MTTP: variants seen among roughly 807,000 people sequenced by gnomAD.
MTTP encodes microsomal triglyceride transfer protein, also known as microsomal triglyceride transfer protein large subunit.
In MTTP, 49 loss-of-function variants were observed where a neutral mutation model predicts 90.6. The ratio of observed to expected loss-of-function variants is 0.54; its 90% CI spans 0.43 to 0.69. MTTP has a LOEUF of 0.69. Among genes scored for constraint, MTTP ranks in the 30% least tolerant of loss-of-function variants. The probability of loss-of-function intolerance (pLI) is 0.00; values close to 1 mark genes in which losing one functional copy is unlikely to be tolerated. For synonymous variants in MTTP, 347 were observed against 384.2 expected, an observed-to-expected ratio of 0.90 and a Z score of 1.13; for missense variants, 945 against 1,067.5, an observed-to-expected ratio of 0.89 and a Z score of 1.60.
chr4:99,596,787 G>T (rs1725563668), intron 7 of MTTP, among the ~76,000 whole-genome samples: 1 of 152,106 alleles, frequency 6.6e-6, no homozygotes, highest in Non-Finnish European at 1.5e-5. Context: ...GCCGTGAAAT[G>T]ACCTATATAC....
At chr4:99,608,674 T>C (rs1560623622) in intron 11 of MTTP, 92 bp from the exon 12 acceptor site, 1 of 1,031,198 alleles carries the variant, frequency 9.7e-7, no homozygotes, top group South Asian at 1.3e-5. Context: ...CACATGTATA[T>C]TTTTATGAAC....
chr4:99,567,936 C>T (rs2110203680), intron 1 of MTTP, among the ~76,000 whole-genome samples: 1 of 151,992 alleles, frequency 6.6e-6, no homozygotes, highest in Non-Finnish European at 1.5e-5. Flanking sequence ...GGTCGAATTT[C>T]ATTTAAAGTT....
chr4:99,577,810 C>T (rs1470518196), intron 1 of MTTP, among the ~76,000 whole-genome samples: 1 of 151,970 alleles, frequency 6.6e-6, no homozygotes, highest in East Asian at 1.9e-4. Context: ...CTATTTTCAG[C>T]GCCTTCTCTG....
chr4:99,584,039 T>G (rs1214604739), intron 3 of MTTP: 1 of 154,304 alleles, frequency 6.5e-6, no homozygotes, highest in Admixed American at 6.5e-5. Flanking sequence ...ATTTTAAAAC[T>G]ATGACATGGA....
intron 6 of MTTP, among the ~76,000 whole-genome samples, chr4:99,592,397 CTT>C (rs1560617993): frequency 6.6e-6 from 1 of 152,092 alleles, no homozygotes; most frequent in African/African-American, 2.4e-5. Context: ...ACGTTAAAAA[CTT>C]TTTAATTTTT....
At chr4:99,569,091 T>G (rs1356813061) in intron 1 of MTTP, among the ~76,000 whole-genome samples, 3 of 152,160 alleles carry the variant, frequency 2.0e-5, no homozygotes, top group Non-Finnish European at 1.5e-5. Context: ...CTGACAACAC[T>G]GCTGAGCCAG....
chr4:99,565,655 GTAAA>G (rs1724668426), intron 1 of MTTP, among the ~76,000 whole-genome samples: 1 of 152,160 alleles, frequency 6.6e-6, no homozygotes, highest in Admixed American at 6.5e-5. Context: ...GGAGCCAGCA[GTAAA>G]TAAATACCAT....
At chr4:99,576,902 T>C (rs1020203837) in intron 1 of MTTP, among the ~76,000 whole-genome samples, 4 of 152,050 alleles carry the variant, frequency 2.6e-5, no homozygotes, top group Admixed American at 1.3e-4. Context: ...TACAAAAATA[T>C]CTTACTATTG....
rs2110222141 is a variant in MTTP, at chr4:99,597,081, G to A, written c.924G>A (p.Trp308Ter). The A allele has an allele frequency of 6.2e-7, 1 of 1,613,966 alleles. No individual in the cohort carries two copies. Among genetic ancestry groups the A allele is most frequent in the Non-Finnish European group, 8.5e-7 (1 of 1,179,926 alleles). The change falls in exon 8 of 18, where the codon TGG becomes TGA. Residue 308 changes from tryptophan to a stop codon, truncating the protein, a stop_gained. Transcript: ENST00000265517. LOFTEE classifies it high-confidence loss of function. ...ATGTTTTGCAGCTCTCGGAGCTCTG[G>A]CGGTCCACCAGGAAATACCTGCAGC... ...CKGCPSLSEL[W>*]RSTRKYLQPD...
chr4:99,608,825 G>A lies in MTTP; in HGVS notation c.1617G>A (p.Val539=), dbSNP rs773522041. ...HQNRKVHEKT[V]RTAAAAIILN... ...ACCGTAAAGTTCATGAAAAGACTGT[G>A]CGCACTGCTGCAGCTGCTATCATTT... The change falls in exon 12 of 18, where the codon GTG becomes GTA. Residue 539 remains valine (V), a synonymous_variant. Coordinates refer to ENST00000265517, the MANE Select transcript of MTTP (RefSeq NM_001386140.1). 5 of 1,614,038 alleles carry A rather than the reference G, an allele frequency of 3.1e-6. No homozygotes were observed. The highest frequency in any genetic ancestry group is 4.2e-6 in the Non-Finnish European group (5 of 1,180,034).
At chr4:99,584,418 CTTTA>C (rs1348903855) in intron 3 of MTTP, among the ~76,000 whole-genome samples, 7 of 151,882 alleles carry the variant, frequency 4.6e-5, no homozygotes, top group South Asian at 2.1e-4. Context: ...TAAAGTAATA[CTTTA>C]TTTATTTTCA....
intron 3 of MTTP, among the ~76,000 whole-genome samples, chr4:99,587,608 C>T (rs1233805906): frequency 1.3e-5 from 2 of 152,072 alleles, no homozygotes; most frequent in African/African-American, 4.8e-5. Flanking sequence ...ATTTTGTAGC[C>T]TGGAAGGAAA....
chr4:99,589,518 G>A, intron 3 of MTTP, 125 bp from the exon 4 acceptor site: 1 of 688,294 alleles, frequency 1.5e-6, no homozygotes, highest in South Asian at 1.5e-5. Context: ...TCCAGATTTG[G>A]AGTGTCAGAT....
chr4:99,619,884 A>C (rs1011255710), intron 16 of MTTP, among the ~76,000 whole-genome samples: 2 of 152,210 alleles, frequency 1.3e-5, no homozygotes, highest in African/African-American at 4.8e-5. Flanking sequence ...ACTGGTCATC[A>C]AAAGGTTCAC....
rs556412139 is a variant in MTTP, at chr4:99,593,775, A to G, written c.759-958A>G. Among the ~76,000 whole-genome samples the G allele has an allele frequency of 4.6e-5, 7 of 152,268 alleles. No individual in the cohort carries two copies. In the South Asian group the frequency reaches 1.2e-3, roughly 27 times the overall value. ...TAGAATTTTGCATTCTACTTCATAT[A>G]CTACTGGTATATCTATAGTGTTTTA... On this transcript the variant is annotated intron_variant, in intron 6 of 17. Transcript: ENST00000265517.
At chr4:99,574,797 T>G (rs762900093), upstream of MTTP, 5 of 1,606,952 alleles carry the variant, frequency 3.1e-6, no homozygotes, top group South Asian at 5.5e-5. Flanking sequence ...AAGATAAACA[T>G]GATTGTTGCA....
At chr4:99,580,517 G>A (rs1311932442) in intron 1 of MTTP, among the ~76,000 whole-genome samples, 6 of 134,470 alleles carry the variant, frequency 4.5e-5, no homozygotes, top group East Asian at 2.4e-4. Context: ...GGAGGTTGCA[G>A]TGAACTGAAA....
At chr4:99,572,797 A>G (rs1434385576), upstream of MTTP, among the ~76,000 whole-genome samples, 1 of 152,092 alleles carries the variant, frequency 6.6e-6, no homozygotes, top group Non-Finnish European at 1.5e-5. Context: ...CTGAATTTGG[A>G]AAGGCTTTGG....
At chr4:99,613,193 C>A in intron 15 of MTTP, 53 bp downstream of exon 15, 1 of 1,457,780 alleles carries the variant, frequency 6.9e-7, no homozygotes, top group Non-Finnish European at 9.5e-7. Flanking sequence ...ACGCCAGGCA[C>A]GTTTTAAATA....
Sources: allele counts gnomAD v4.1 joint callset (sites outside exome capture counted in the v4.1 genomes callset), GRCh38; gene constraint gnomAD v4.1.1; transcripts MANE v1.5; gene names NCBI Gene and HGNC (gene_info 2026-07-23, HGNC 2026-07-21).